Variants in IKZF1 observed in about 807,000 individuals in gnomAD.
The protein encoded by IKZF1 is DNA-binding protein Ikaros.
IKZF1 carries 10 observed loss-of-function variants against 51.7 expected under a neutral mutation model. The observed-to-expected ratio is 0.19, with a 90% CI of 0.12 to 0.33. The LOEUF is 0.33. Ranked by LOEUF, IKZF1 falls within the 10% of genes least tolerant of loss-of-function variation. The pLI is 1.00. For missense variants in IKZF1, 484 were observed against 707.5 expected (o/e 0.68, Z 3.58); for synonymous variants, 280 against 282.3 (o/e 0.99, Z 0.08).
chr7:50,387,271 G>A, intron 5 of IKZF1, 74 bp from the exon 6 acceptor site: 2 of 1,509,434 alleles, frequency 1.3e-6, no homozygotes, highest in East Asian at 4.9e-5. Flanking sequence ...GGTAATAATT[G>A]TATTGCATGC....
In IKZF1 at chr7:50,402,917, A is replaced by G. The variant is rs888507189; in HGVS notation, c.*2290A>G. The G allele has an allele frequency of 8.7e-6, 2 of 229,242 alleles. No homozygotes were observed. The highest frequency in any genetic ancestry group is 4.4e-5 in the African/African-American group (2 of 45,106). 14.2% of individuals were successfully genotyped at this position (229,242 alleles called of 1,614,324 possible). A position where few individuals can be genotyped will look rare whatever the true frequency, so the allele number is the denominator to read the frequency against. Reference sequence around the variant, plus strand: ...AGAAAGATGCGCCTTATCCAAGTTAATATCTCTAAGGTGAGAGCCTTCTTA... The same window carrying G: ...AGAAAGATGCGCCTTATCCAAGTTAGTATCTCTAAGGTGAGAGCCTTCTTA... On this transcript the variant is annotated 3_prime_UTR_variant, in exon 8 of 8. Transcript: ENST00000331340.
At chr7:50,382,262 A>C (rs1025535994) in intron 4 of IKZF1, among the ~76,000 whole-genome samples, 1 of 152,236 alleles carries the variant, frequency 6.6e-6, no homozygotes, top group Admixed American at 6.5e-5. Context: ...GTGGCTCTTC[A>C]TCACAAAATG....
chr7:50,392,456 A>G (rs1815404579), intron 7 of IKZF1, among the ~76,000 whole-genome samples: 1 of 152,128 alleles, frequency 6.6e-6, no homozygotes, highest in African/African-American at 2.4e-5. Context: ...TAGGTATTAG[A>G]CACACCAACA....
intron 3 of IKZF1, among the ~76,000 whole-genome samples, chr7:50,337,118 G>T (rs1047438929): frequency 1.3e-5 from 2 of 152,234 alleles, no homozygotes; most frequent in South Asian, 4.1e-4. Flanking sequence ...GAGAGGGACC[G>T]GGAGCGGCAC....
At chr7:50,317,255 AT>A (rs1263475680) in intron 1 of IKZF1, among the ~76,000 whole-genome samples, 4 of 152,240 alleles carry the variant, frequency 2.6e-5, no homozygotes, top group Non-Finnish European at 5.9e-5. Flanking sequence ...ATACAGAGGT[AT>A]TTAAGACCCG....
chr7:50,346,653 AT>A (rs1351693812), intron 3 of IKZF1, among the ~76,000 whole-genome samples: 1 of 152,200 alleles, frequency 6.6e-6, no homozygotes, highest in Non-Finnish European at 1.5e-5. Context: ...TTTCCAGGGA[AT>A]GCAGAATGAA....
intron 3 of IKZF1, chr7:50,368,161 T>C (rs1807531238): frequency 1.4e-6 from 1 of 703,496 alleles, no homozygotes; most frequent in Admixed American, 2.0e-5. Flanking sequence ...ACCCCCGAGA[T>C]ACATTAAATA....
chr7:50,318,047 G>T (rs2153359545), intron 1 of IKZF1, among the ~76,000 whole-genome samples: 1 of 152,356 alleles, frequency 6.6e-6, no homozygotes. Flanking sequence ...TAAATGAGCA[G>T]ATTTCCTTGA....
At chr7:50,335,745 A>ATGTGTGTATGGGATGTGTGGTGTGTC (rs1797613345) in intron 3 of IKZF1, among the ~76,000 whole-genome samples, 1 of 150,996 alleles carries the variant, frequency 6.6e-6, no homozygotes, top group Non-Finnish European at 1.5e-5. Context: ...TGTGGTGTGT[A>ATGTGTGTATGGGATGTGTGGTGTGTC]TGTGTGTATG....
intron 1 of IKZF1, among the ~76,000 whole-genome samples, chr7:50,308,381 C>T (rs1003645145): frequency 6.6e-6 from 1 of 152,200 alleles, no homozygotes; most frequent in African/African-American, 2.4e-5. Context: ...GCCAGTGGAG[C>T]CTTCAGCCAA....
At chr7:50,329,360 G>C (rs1795912091) in intron 3 of IKZF1, among the ~76,000 whole-genome samples, 1 of 152,288 alleles carries the variant, frequency 6.6e-6, no homozygotes, top group African/African-American at 2.4e-5. Context: ...TTCTACCAAA[G>C]AAAGATACAT....
intron 3 of IKZF1, among the ~76,000 whole-genome samples, chr7:50,350,576 T>C (rs1367317211): frequency 6.6e-6 from 1 of 152,170 alleles, no homozygotes; most frequent in Non-Finnish European, 1.5e-5. Context: ...ATAAATTGGG[T>C]TCTGACGGCA....
intron 5 of IKZF1, among the ~76,000 whole-genome samples, chr7:50,386,582 T>C (rs772161691): frequency 9.9e-5 from 15 of 152,148 alleles, no homozygotes; most frequent in Non-Finnish European, 2.2e-4. Context: ...TTGTATTTTC[T>C]ATGTATATGT....
rs1395195793 is a variant in IKZF1 at position 50,376,494 on chromosome 7, G to C, written c.161-39G>C. 1 of 1,569,764 alleles carries C rather than the reference G, an allele frequency of 6.4e-7. No individual in the cohort carries two copies. Among genetic ancestry groups the C allele is most frequent in the East Asian group, 2.3e-5 (1 of 44,220 alleles). ...TGTTGTTTTGTTGAGTTTTTTTTTT[G>C]CAATGACACTGAGTGGCCTCCTGTA... On this transcript the variant is annotated intron_variant, in intron 3 of 7. Coordinates refer to ENST00000331340, the MANE Select transcript of IKZF1 (RefSeq NM_006060.6). The surrounding 1 kb of genome is among the most constrained non-coding windows in gnomAD (Gnocchi z 4.5).
At chr7:50,354,066 T>C (rs756064361) in intron 3 of IKZF1, among the ~76,000 whole-genome samples, 2 of 152,200 alleles carry the variant, frequency 1.3e-5, no homozygotes, top group African/African-American at 2.4e-5. Context: ...GGTTCATCTG[T>C]GACTCAGGAT....
rs564986001 is a variant in IKZF1 at position 50,356,603 on chromosome 7, G to A, written c.161-19930G>A. 2.2e-3 allele frequency among the ~76,000 whole-genome samples: 336 copies of A among 152,316 alleles called. 3 individuals are homozygous for A. The highest frequency in any genetic ancestry group is 7.5e-3 in the African/African-American group (312 of 41,562). On this transcript the variant is annotated intron_variant, in intron 3 of 7. Transcript: ENST00000331340. ...TGGCTTTGTCTGTGTGTGTGCGCAC[G>A]CACTCTGCTAAGCTACTCAATGCAA...
intron 1 of IKZF1, among the ~76,000 whole-genome samples, chr7:50,311,577 A>C (rs1015326703): frequency 1.3e-5 from 2 of 152,246 alleles, no homozygotes; most frequent in East Asian, 3.8e-4. Context: ...GACTAAATAA[A>C]ATATAGCTTT....
At chr7:50,398,486 T>A (rs1266341568) in intron 7 of IKZF1, among the ~76,000 whole-genome samples, 2 of 152,186 alleles carry the variant, frequency 1.3e-5, no homozygotes, top group Non-Finnish European at 2.9e-5. Flanking sequence ...AAACCCTCCT[T>A]ATCAACCCTC....
chr7:50,379,976 C>G (rs1184282856), intron 4 of IKZF1, among the ~76,000 whole-genome samples: 16 of 152,296 alleles, frequency 1.1e-4, no homozygotes, highest in Admixed American at 1.0e-3. Context: ...GTCCTCATCC[C>G]AGTTAAATAA....
Sources: gnomAD v4.1 joint callset for allele counts (sites outside exome capture counted in the v4.1 genomes callset) on GRCh38, gnomAD v4.1.1 for gene constraint, Gnocchi (gnomAD v3.1) non-coding constraint, MANE v1.5 for transcripts, NCBI Gene and HGNC (gene_info 2026-07-23, HGNC 2026-07-21) for gene names.